The following RFC3 variants were observed in gnomAD, a reference collection of about 807,000 sequenced individuals.
The protein encoded by RFC3 is replication factor C subunit 3.
A neutral mutation model predicts 45.1 loss-of-function variants in RFC3; 41 were observed. That is an observed-to-expected ratio of 0.91 (90% CI 0.71 to 1.18). The LOEUF is 1.18. Ranked by LOEUF, RFC3 falls within the 50% of genes most tolerant of loss-of-function variation. The pLI is 0.00. For missense variants in RFC3, 423 were observed against 428.1 expected (o/e 0.99, Z 0.10); for synonymous variants, 149 against 144.0 (o/e 1.03, Z -0.25).
At chr13:33,886,953 A>C (rs1301634842) in intron 8 of RFC3, among the ~76,000 whole-genome samples, 1 of 148,766 alleles carries the variant, frequency 6.7e-6, no homozygotes, top group Non-Finnish European at 1.5e-5. Context: ...GTCCCTACAA[A>C]GGACATGAAC....
chr13:33,830,072 T>C (rs956018939), intron 5 of RFC3, 55 bp downstream of exon 5: 1 of 1,436,934 alleles, frequency 7.0e-7, no homozygotes, highest in Non-Finnish European at 9.7e-7. Context: ...CTCTGAATAT[T>C]GTATGCTTGT....
At chr13:33,969,077 T>C (rs2083100265), downstream of RFC3, among the ~76,000 whole-genome samples, 1 of 152,228 alleles carries the variant, frequency 6.6e-6, no homozygotes, top group Non-Finnish European at 1.5e-5. Context: ...TTCAACACTG[T>C]CAACAAATGA....
chr13:33,881,686 C>T (rs1365840927), intron 8 of RFC3, among the ~76,000 whole-genome samples: 1 of 152,192 alleles, frequency 6.6e-6, no homozygotes, highest in African/African-American at 2.4e-5. Flanking sequence ...TACACCCTCT[C>T]GTTCCCTCTG....
At chr13:33,895,522 G>A (rs899156945) in intron 8 of RFC3, among the ~76,000 whole-genome samples, 3 of 152,134 alleles carry the variant, frequency 2.0e-5, no homozygotes, top group East Asian at 1.9e-4. Context: ...AAAAGGGAAC[G>A]CTTATACACT....
At position 33,846,015 on chromosome 13, in the gene RFC3, C is replaced by T. The variant is rs569477170; in HGVS notation, c.879+10798C>T. Among the ~76,000 whole-genome samples, 85 of 152,322 alleles carry T rather than the reference C, an allele frequency of 5.6e-4. 1 individual carries two copies. Among genetic ancestry groups the T allele is most frequent in the Admixed American group, 2.7e-3 (42 of 15,302 alleles). ...CACCCCAGTAATGCTGTGACTCTTT[C>T]AGGCTCATAGAGATATTGCCTTGGT... is the stretch of plus-strand genomic sequence containing the variant. On this transcript the variant is annotated intron_variant, in intron 8 of 8. Transcript: ENST00000434425.
intron 1 of RFC3, among the ~76,000 whole-genome samples, chr13:33,819,054 C>G (rs1052614652): frequency 2.6e-5 from 4 of 151,944 alleles, no homozygotes; most frequent in African/African-American, 9.7e-5. Flanking sequence ...CCACGCACAG[C>G]TAATTTTTGT....
At chr13:33,825,447 A>G (rs1440739727) in intron 3 of RFC3, among the ~76,000 whole-genome samples, 1 of 152,126 alleles carries the variant, frequency 6.6e-6, no homozygotes, top group Non-Finnish European at 1.5e-5. Context: ...ACAATTATAG[A>G]TAGTTGAGAA....
intron 8 of RFC3, among the ~76,000 whole-genome samples, chr13:33,873,688 T>A (rs1377781475): frequency 6.6e-6 from 1 of 152,198 alleles, no homozygotes; most frequent in East Asian, 1.9e-4. Context: ...AACAAGACCC[T>A]TCACCCTCTT....
chr13:33,959,934 A>G (rs921328154), intron 8 of RFC3, among the ~76,000 whole-genome samples: 17 of 152,082 alleles, frequency 1.1e-4, no homozygotes, highest in Non-Finnish European at 1.8e-4. Context: ...GGAAGGTTTT[A>G]CTCATCGCAG....
intron 8 of RFC3, among the ~76,000 whole-genome samples, chr13:33,929,389 T>C (rs1425192518): frequency 6.6e-6 from 1 of 152,126 alleles, no homozygotes; most frequent in East Asian, 1.9e-4. Context: ...TGCAAGTCAA[T>C]GGAAAAACTA....
At chr13:33,891,810 AAT>A (rs1350753641) in intron 8 of RFC3, among the ~76,000 whole-genome samples, 2 of 152,010 alleles carry the variant, frequency 1.3e-5, no homozygotes. Flanking sequence ...ATACATCAAG[AAT>A]ATATATATAT....
chr13:33,959,982 C>G (rs2083046086), intron 8 of RFC3, among the ~76,000 whole-genome samples: 1 of 152,050 alleles, frequency 6.6e-6, no homozygotes, highest in Admixed American at 6.6e-5. Context: ...ATAGTGAAAG[C>G]AGGAGCAAGA....
intron 8 of RFC3, among the ~76,000 whole-genome samples, chr13:33,890,405 T>G (rs2082556193): frequency 6.6e-6 from 1 of 152,188 alleles, no homozygotes; most frequent in African/African-American, 2.4e-5. Context: ...TATCTGATAA[T>G]AGCAATGTTA....
chr13:33,942,948 C>G (rs974683841), intron 8 of RFC3, among the ~76,000 whole-genome samples: 6 of 152,114 alleles, frequency 3.9e-5, no homozygotes, highest in African/African-American at 1.4e-4. Flanking sequence ...CTGTTTCTGC[C>G]TTGGTGAATG....
At chr13:33,898,760 T>G (rs1434711254) in intron 8 of RFC3, among the ~76,000 whole-genome samples, 3 of 151,408 alleles carry the variant, frequency 2.0e-5, no homozygotes, top group African/African-American at 7.3e-5. Context: ...TTAGCTATAC[T>G]AAGAAAAAAG....
At position 33,894,929 on chromosome 13, in the gene RFC3, G is replaced by C. The variant is rs963768061; in HGVS notation, c.879+59712G>C. ...GGAAAGGACACCTATTCAATGAATG[G>C]TGAGAACACTGGATAATTCACACGT... On this transcript the variant is annotated intron_variant, in intron 8 of 8. Coordinates refer to the RFC3 transcript ENST00000434425. Among the ~76,000 whole-genome samples, 3 of 152,030 alleles carry C rather than the reference G, an allele frequency of 2.0e-5. No individual in the cohort carries two copies. In the South Asian group the frequency reaches 6.3e-4, roughly 32 times the overall value.
chr13:33,970,822 T>C (rs2083106662), downstream of RFC3, among the ~76,000 whole-genome samples: 1 of 152,098 alleles, frequency 6.6e-6, no homozygotes, highest in Non-Finnish European at 1.5e-5. Flanking sequence ...TGTGGGTGAG[T>C]GGAAGTTAAT....
chr13:33,965,971 T>C, intron 8 of RFC3: 1 of 724,454 alleles, frequency 1.4e-6, no homozygotes, highest in Admixed American at 2.3e-5. Context: ...CGTAGCTTGC[T>C]CCTGAGCCTT....
chr13:33,924,038 T>C (rs562475896), intron 8 of RFC3, among the ~76,000 whole-genome samples: 2 of 152,214 alleles, frequency 1.3e-5, no homozygotes, highest in African/African-American at 4.8e-5. Flanking sequence ...CTTAGACTTC[T>C]GGTTCAGCCC....
Sources: gnomAD v4.1 joint callset for allele counts (sites outside exome capture counted in the v4.1 genomes callset) on GRCh38, gnomAD v4.1.1 for gene constraint, MANE v1.5 for transcripts, NCBI Gene and HGNC (gene_info 2026-07-23, HGNC 2026-07-21) for gene names.